CEACAM21: variants seen among roughly 807,000 people sequenced by gnomAD.
The protein encoded by CEACAM21 is CEA cell adhesion molecule 21, also known as cell adhesion molecule CEACAM21.
Under a neutral mutation model 33.2 loss-of-function variants are expected in CEACAM21, and 38 were observed. The observed-to-expected ratio is 1.14, with a 90% CI of 0.88 to 1.50. The LOEUF (loss-of-function observed/expected upper bound fraction) is 1.50, where lower values mean the gene tolerates loss of function less well. Among genes scored for constraint, CEACAM21 ranks in the 40% most tolerant of loss-of-function variants. The probability of loss-of-function intolerance (pLI) is 0.00; values close to 1 mark genes in which losing one functional copy is unlikely to be tolerated. For missense variants in CEACAM21, 385 were observed against 364.6 expected (o/e 1.06, Z -0.46); for synonymous variants, 156 against 143.0 (o/e 1.09, Z -0.65).
intron 1 of CEACAM21, chr19:41,564,556 G>C (rs2042131323): frequency 6.6e-6 from 1 of 152,302 alleles, no homozygotes; most frequent in East Asian, 1.9e-4. Flanking sequence ...TTCGCCCTCT[G>C]CCTGCATGGC....
At chr19:41,585,585 A>G in intron 5 of CEACAM21, 90 bp downstream of exon 5, 1 of 1,390,192 alleles carries the variant, frequency 7.2e-7, no homozygotes, top group South Asian at 1.2e-5. Context: ...GGGGCCTCTG[A>G]CCCTATCCCT....
chr19:41,564,331 ATTATTTATTTATTTAT>A (rs60410378), intron 1 of CEACAM21, among the ~76,000 whole-genome samples: 37,460 of 148,284 alleles, frequency 0.25, 5,008 homozygotes, highest in African/African-American at 0.34. Context: ...TGAGTTATTT[ATTATTTATTTATTTAT>A]TTATTTATTT....
chr19:41,586,192 T>C (rs2070724122), intron 6 of CEACAM21: 1 of 570,402 alleles, frequency 1.8e-6, no homozygotes, highest in Non-Finnish European at 3.2e-6. Context: ...CTCTCATCTA[T>C]GAGGTGAGTG....
At chr19:41,569,303 T>C (rs1568594589) in intron 2 of CEACAM21, among the ~76,000 whole-genome samples, 1 of 152,050 alleles carries the variant, frequency 6.6e-6, no homozygotes, top group Non-Finnish European at 1.5e-5. Context: ...CAACTCAGCC[T>C]CCCCAGCTCA....
intron 2 of CEACAM21, 86 bp from the exon 3 acceptor site, chr19:41,579,267 C>T: frequency 6.2e-7 from 1 of 1,605,210 alleles, no homozygotes. Context: ...CCTTTATTCA[C>T]AGGAGAATGT....
intron 1 of CEACAM21, among the ~76,000 whole-genome samples, chr19:41,556,005 A>G (rs2041501918): frequency 6.6e-6 from 1 of 152,224 alleles, no homozygotes; most frequent in Non-Finnish European, 1.5e-5. Flanking sequence ...AGATGAAATA[A>G]AAGAGAGCAG....
chr19:41,563,867 G>A (rs1310745314), intron 1 of CEACAM21, among the ~76,000 whole-genome samples: 1 of 152,170 alleles, frequency 6.6e-6, no homozygotes, highest in African/African-American at 2.4e-5. Flanking sequence ...TCCCAGGCCA[G>A]CCGAGGCTCC....
chr19:41,552,872 C>T (rs2041305414), intron 1 of CEACAM21, among the ~76,000 whole-genome samples: 1 of 152,132 alleles, frequency 6.6e-6, no homozygotes, highest in African/African-American at 2.4e-5. Flanking sequence ...GTTGTCTAGT[C>T]TTCAGTTCAC....
At chr19:41,560,975 AAT>A (rs2041848928) in intron 1 of CEACAM21, among the ~76,000 whole-genome samples, 1 of 152,250 alleles carries the variant, frequency 6.6e-6, no homozygotes, top group Non-Finnish European at 1.5e-5. Flanking sequence ...GCAAGACAAA[AAT>A]ATAAAATAAA....
upstream of CEACAM21, among the ~76,000 whole-genome samples, chr19:41,575,591 C>A (rs1374132700): frequency 2.6e-5 from 4 of 152,204 alleles, no homozygotes; most frequent in African/African-American, 4.8e-5. Context: ...CCAAGGACAG[C>A]AGAACCCAGA....
chr19:41,553,697 T>C (rs782020362), intron 1 of CEACAM21: 22 of 152,032 alleles, frequency 1.4e-4, no homozygotes, highest in African/African-American at 5.1e-4. Flanking sequence ...CATTCTTTTC[T>C]TCCCACAGAT....
At chr19:41,586,208 C>A in intron 6 of CEACAM21, 1 of 557,658 alleles carries the variant, frequency 1.8e-6, no homozygotes, top group Middle Eastern at 2.7e-4. Flanking sequence ...GAGTGGGGGC[C>A]ACAGATATTC....
intron 1 of CEACAM21, among the ~76,000 whole-genome samples, chr19:41,556,061 G>A (rs1207592267): frequency 2.0e-5 from 3 of 152,198 alleles, no homozygotes; most frequent in South Asian, 4.1e-4. Context: ...GACTCCACAA[G>A]GAGAACAGGA....
intron 2 of CEACAM21, among the ~76,000 whole-genome samples, chr19:41,577,835 G>A (rs1221085767): frequency 6.6e-6 from 1 of 152,144 alleles, no homozygotes; most frequent in Admixed American, 6.5e-5. Flanking sequence ...ACCCCCCTTG[G>A]CCTCCTCCTC....
chr19:41,586,546 C>T lies in CEACAM21; in HGVS notation c.*83C>T, dbSNP rs1451367757. Reference sequence around the variant, plus strand: ...GCTTCTTAGGTTCCTCTGGGAGCTGCTCCTGTGGGTTGATGGAGCGTCCCT... The same window carrying T: ...GCTTCTTAGGTTCCTCTGGGAGCTGTTCCTGTGGGTTGATGGAGCGTCCCT... On this transcript the variant is annotated 3_prime_UTR_variant, in exon 7 of 7. Transcript: ENST00000401445. The T allele has an allele frequency of 7.9e-6, 5 of 632,992 alleles. No homozygotes were observed. The highest frequency in any genetic ancestry group is 1.8e-5 in the African/African-American group (1 of 54,266). 39.2% of individuals were successfully genotyped at this position (632,992 alleles called of 1,614,324 possible). A position where few individuals can be genotyped will look rare whatever the true frequency, so the allele number is the denominator to read the frequency against.
At position 41,586,785 on chromosome 19, in the gene CEACAM21, GCCTATGGCCCA is replaced by G. The variant is rs1555795838; in HGVS notation, c.*325_*335del. The G allele has an allele frequency of 1.6e-5, 5 of 319,532 alleles. No homozygotes were observed. Among genetic ancestry groups the G allele is most frequent in the Non-Finnish European group, 3.1e-5 (5 of 163,712 alleles). The allele number at this position is 319,532 out of a possible 1,614,324, so 19.8% of individuals were successfully genotyped here. A position where few individuals can be genotyped will look rare whatever the true frequency, so the allele number is the denominator to read the frequency against. On this transcript the variant is annotated 3_prime_UTR_variant, in exon 7 of 7. Transcript: ENST00000401445. ...GGGGGCTTGCAGGGAAAGTGAATGGGCCTATGGCCCACCCGGGGTCACCTGGAAAGGATCTG... is the reference window on the plus strand; with the variant it reads ...GGGGGCTTGCAGGGAAAGTGAATGGGCCCGGGGTCACCTGGAAAGGATCTG...
intron 1 of CEACAM21, chr19:41,550,016 A>G (rs1390435023): frequency 2.0e-5 from 3 of 152,256 alleles, no homozygotes; most frequent in Non-Finnish European, 4.4e-5. Flanking sequence ...TTCCTCCCAC[A>G]GCAATTAATG....
Position 41,562,571 on chromosome 19 carries a change from CAT to C in CEACAM21, c.-778-2110_-778-2109del, listed in dbSNP as rs1315563100. ...AAACACCCCAAGTGGTCACCAAAAA[CAT>C]GAGAGAAATAAAATGTGGCATATTA... On this transcript the variant is annotated intron_variant, in intron 1 of 7. Transcript: ENST00000407170. Among the ~76,000 whole-genome samples the C allele has an allele frequency of 2.6e-5, 4 of 152,090 alleles. No individual in the cohort carries two copies. The East Asian group carries it at 7.7e-4, about 29-fold the overall frequency.
At chr19:41,575,082 GA>G (rs1263029323), upstream of CEACAM21, among the ~76,000 whole-genome samples, 1 of 152,044 alleles carries the variant, frequency 6.6e-6, no homozygotes, top group Non-Finnish European at 1.5e-5. Flanking sequence ...AAATAATCCA[GA>G]AAAAAATAAT....
Sources: allele counts gnomAD v4.1 joint callset (sites outside exome capture counted in the v4.1 genomes callset), GRCh38; gene constraint gnomAD v4.1.1; transcripts MANE v1.5; gene names NCBI Gene and HGNC (gene_info 2026-07-23, HGNC 2026-07-21).